Variants in GALNT17 observed in about 807,000 individuals in gnomAD.
GALNT17 encodes the protein UDP-GalNAc:polypeptide N-acetylgalactosaminyltransferase-like 3.
In GALNT17, 29 loss-of-function variants were observed where a neutral mutation model predicts 63.7. The observed-to-expected ratio is 0.46, with a 90% CI of 0.34 to 0.62. The LOEUF (loss-of-function observed/expected upper bound fraction) is 0.62. Ranked by LOEUF, GALNT17 falls within the 20% of genes least tolerant of loss-of-function variation. GALNT17 has a pLI of 0.01. For missense variants in GALNT17, 603 were observed against 799.6 expected, an observed-to-expected ratio of 0.75 and a Z score of 2.97; for synonymous variants, 305 against 318.3, an observed-to-expected ratio of 0.96 and a Z score of 0.45.
At chr7:71,585,236 T>C (rs756617888) in intron 6 of GALNT17, among the ~76,000 whole-genome samples, 4 of 152,204 alleles carry the variant, frequency 2.6e-5, no homozygotes, top group Non-Finnish European at 5.9e-5. Context: ...TATCTCACTG[T>C]TTCTGATGTT....
chr7:71,314,291 A>G (rs1445621958), intron 1 of GALNT17, among the ~76,000 whole-genome samples: 1 of 152,068 alleles, frequency 6.6e-6, no homozygotes, highest in Admixed American at 6.6e-5. Context: ...ATGACACAAA[A>G]CTGCTTCTAA....
chr7:71,300,742 G>A (rs557665153), intron 1 of GALNT17: 3 of 239,478 alleles, frequency 1.3e-5, no homozygotes, highest in South Asian at 4.2e-5. Flanking sequence ...CCATCACTGC[G>A]TCTCCTCTCA....
chr7:71,160,749 G>A (rs186011258), intron 1 of GALNT17, among the ~76,000 whole-genome samples: 147 of 152,276 alleles, frequency 9.7e-4, no homozygotes, highest in African/African-American at 3.2e-3. Context: ...GTGAGCCACC[G>A]CGCACGGCCA....
chr7:71,329,136 G>T (rs1469265798), intron 1 of GALNT17, among the ~76,000 whole-genome samples: 4 of 152,152 alleles, frequency 2.6e-5, no homozygotes, highest in African/African-American at 9.7e-5. Flanking sequence ...GTTAGAGGAA[G>T]AATCAGAGGT....
At chr7:71,222,307 G>T (rs1038756473) in intron 1 of GALNT17, among the ~76,000 whole-genome samples, 1 of 151,978 alleles carries the variant, frequency 6.6e-6, no homozygotes, top group Non-Finnish European at 1.5e-5. Context: ...GGGTTCCTTA[G>T]TCACTTCTAA....
intron 2 of GALNT17, among the ~76,000 whole-genome samples, chr7:71,353,149 TCATAA>T (rs1792219539): frequency 6.6e-6 from 1 of 152,294 alleles, no homozygotes; most frequent in South Asian, 2.1e-4. Context: ...TCCCATTTTG[TCATAA>T]CATAAGAGTT....
chr7:71,571,240 G>T (rs779950716), intron 5 of GALNT17, 45 bp from the exon 6 acceptor site: 6 of 1,558,104 alleles, frequency 3.9e-6, no homozygotes, highest in Admixed American at 1.7e-5. Flanking sequence ...AAGGGCTTCT[G>T]GCACTGACAC....
chr7:71,256,238 A>G (rs1790287419), intron 1 of GALNT17, among the ~76,000 whole-genome samples: 1 of 152,200 alleles, frequency 6.6e-6, no homozygotes, highest in Admixed American at 6.5e-5. Flanking sequence ...CACAGCTTGC[A>G]TGTATTGATT....
intron 1 of GALNT17, among the ~76,000 whole-genome samples, chr7:71,297,523 G>GA (rs1791103923): frequency 6.6e-6 from 1 of 152,104 alleles, no homozygotes; most frequent in South Asian, 2.1e-4. Context: ...CAGCTACTTA[G>GA]AAGGCTGAAG....
At chr7:71,644,027 G>A (rs367575672) in intron 6 of GALNT17, among the ~76,000 whole-genome samples, 8 of 152,246 alleles carry the variant, frequency 5.3e-5, no homozygotes, top group African/African-American at 1.4e-4. Context: ...AGAAATAAAA[G>A]TATTGGTTGG....
chr7:71,468,894 G>C (rs959782404), intron 5 of GALNT17, among the ~76,000 whole-genome samples: 1 of 152,120 alleles, frequency 6.6e-6, no homozygotes, highest in East Asian at 1.9e-4. Flanking sequence ...CTTATTATTT[G>C]TTGAGTTCAG....
intron 3 of GALNT17, among the ~76,000 whole-genome samples, chr7:71,411,636 T>C (rs1376190965): frequency 6.6e-6 from 1 of 152,180 alleles, no homozygotes; most frequent in Non-Finnish European, 1.5e-5. Context: ...GAGCCAGGCT[T>C]CCTGGAAGTC....
intron 5 of GALNT17, among the ~76,000 whole-genome samples, chr7:71,508,554 C>A (rs189982358): frequency 6.6e-6 from 1 of 152,128 alleles, no homozygotes; most frequent in East Asian, 1.9e-4. Flanking sequence ...ACACGCAGCA[C>A]CCCCCGGCCC....
chr7:71,670,930 A>G (rs1036339116), intron 8 of GALNT17, among the ~76,000 whole-genome samples: 2 of 151,188 alleles, frequency 1.3e-5, no homozygotes, highest in African/African-American at 4.9e-5. Context: ...GTGTGTGTAT[A>G]TGTGTGCATG....
intron 6 of GALNT17, among the ~76,000 whole-genome samples, chr7:71,621,493 T>TGATA (rs1790289014): frequency 1.6e-5 from 1 of 63,736 alleles, no homozygotes; most frequent in East Asian, 8.1e-4. Context: ...ATGGATGGAT[T>TGATA]GATGGATAGA....
chr7:71,409,011 T>TAAACAC (rs1554366748), intron 3 of GALNT17, among the ~76,000 whole-genome samples: 2 of 77,894 alleles, frequency 2.6e-5, no homozygotes, highest in African/African-American at 1.1e-4. Context: ...TATATGCACA[T>TAAACAC]ACACAAACAC....
chr7:71,561,051 C>A (rs28526781), intron 5 of GALNT17, among the ~76,000 whole-genome samples: 17,824 of 152,122 alleles, frequency 0.12, 1,591 homozygotes, highest in African/African-American at 0.25. Context: ...CTCGCTCTGT[C>A]GGCCAGGCTG....
At chr7:71,145,414 T>C (rs1332605296) in intron 1 of GALNT17, among the ~76,000 whole-genome samples, 1 of 152,124 alleles carries the variant, frequency 6.6e-6, no homozygotes, top group Non-Finnish European at 1.5e-5. Context: ...GAGGATCTCT[T>C]TTGAGCCCGG....
chr7:71,535,349 G>T (rs1334323682), intron 5 of GALNT17, among the ~76,000 whole-genome samples: 2 of 152,094 alleles, frequency 1.3e-5, no homozygotes, highest in African/African-American at 4.8e-5. Flanking sequence ...GGTGGCACTG[G>T]GGCTGCTAGC....
Sources: allele counts gnomAD v4.1 joint callset (sites outside exome capture counted in the v4.1 genomes callset), GRCh38; gene constraint gnomAD v4.1.1; transcripts MANE v1.5; gene names NCBI Gene and HGNC (gene_info 2026-07-23, HGNC 2026-07-21).